Variants in MPRIP observed in about 807,000 individuals in gnomAD.
MPRIP encodes myosin phosphatase Rho-interacting protein.
A neutral mutation model predicts 234.9 loss-of-function variants in MPRIP; 59 were observed. That is an observed-to-expected ratio of 0.25 (90% CI 0.20 to 0.31). The LOEUF is 0.31. MPRIP is among the 10% of genes least tolerant of loss of function. MPRIP has a pLI of 1.00. For synonymous variants in MPRIP, 1,144 were observed against 1,263.9 expected, an observed-to-expected ratio of 0.91 and a Z score of 2.01; for missense variants, 2,436 against 3,071.0, an observed-to-expected ratio of 0.79 and a Z score of 4.89.
rs991567433 is a variant in MPRIP at position 17,187,926 on chromosome 17, C to T, written c.*3032C>T. The T allele has an allele frequency of 6.6e-6, 1 of 152,214 alleles. No homozygotes were observed. The highest frequency in any genetic ancestry group is 2.4e-5 in the African/African-American group (1 of 41,452). 9.4% of individuals were successfully genotyped at this position (152,214 alleles called of 1,614,324 possible). ...AGACTTCAGCATTTTAATTATTTTC[C>T]TATAAATGTATTTATGTGTAGTATG... On this transcript the variant is annotated 3_prime_UTR_variant, in exon 24 of 24. Transcript: ENST00000651222.
chr17:17,131,729 C>T (rs375937514), intron 5 of MPRIP, 28 bp downstream of exon 5: 1 of 1,599,758 alleles, frequency 6.3e-7, no homozygotes, highest in Non-Finnish European at 8.6e-7. Context: ...CAGATGGCAT[C>T]CCCTCAGTGG....
Position 17,166,681 on chromosome 17 carries a change from C to T in MPRIP, c.5090C>T (p.Thr1697Ile). Residue 1697 changes from threonine to isoleucine, a missense_variant, in exon 16 of 24, where the codon ACC becomes ATC. By Grantham distance (89) the Thr-to-Ile change is moderately conservative. Around this residue, in one of 4 missense-constraint regions of MPRIP, gnomAD observed 1,998 missense variants for 2,520.3 expected, o/e 0.79. Transcript: ENST00000651222. This position sits in a 1 kb window ranked among gnomAD's most constrained non-coding sequence, Gnocchi z 4.4. ...AGCATCCAGGAGACCCTGCGGGGCA[C>T]CCAGACGGCCCTGCGGCAGCACAAA... is the stretch of plus-strand genomic sequence containing the variant. ...LQSIQETLRG[T>I]QTALRQHKCL... 1.5e-6 allele frequency: 2 copies of T among 1,303,370 alleles called. No homozygotes were observed. Among genetic ancestry groups the T allele is most frequent in the Non-Finnish European group, 2.0e-6 (2 of 988,618 alleles). 80.7% of individuals were successfully genotyped at this position (1,303,370 alleles called of 1,614,324 possible). A position where few individuals can be genotyped will look rare whatever the true frequency, so the allele number is the denominator to read the frequency against.
chr17:17,143,952 G>A (rs2045399325), intron 9 of MPRIP, among the ~76,000 whole-genome samples: 1 of 152,220 alleles, frequency 6.6e-6, no homozygotes, highest in Admixed American at 6.5e-5. Flanking sequence ...CCGACTCTAG[G>A]CGGCAGGGCT....
At chr17:17,126,951 C>G in intron 4 of MPRIP, 98 bp downstream of exon 4, 1 of 1,425,260 alleles carries the variant, frequency 7.0e-7, no homozygotes, top group Non-Finnish European at 9.7e-7. Context: ...ATGTTGTCTA[C>G]TTCCCCGTGT....
intron 1 of MPRIP, among the ~76,000 whole-genome samples, chr17:17,060,638 G>T (rs1384326332): frequency 6.6e-6 from 1 of 152,202 alleles, no homozygotes; most frequent in Non-Finnish European, 1.5e-5. Flanking sequence ...CTGCCCTCGT[G>T]CTCCCATAGC....
intron 3 of MPRIP, among the ~76,000 whole-genome samples, chr17:17,122,613 A>C (rs565490421): frequency 6.6e-6 from 1 of 152,208 alleles, no homozygotes; most frequent in Non-Finnish European, 1.5e-5. Context: ...TTGGCCTCCC[A>C]AAGTGCTGGG....
intron 1 of MPRIP, among the ~76,000 whole-genome samples, chr17:17,067,289 C>T (rs1438815851): frequency 6.6e-6 from 1 of 152,130 alleles, no homozygotes; most frequent in African/African-American, 2.4e-5. Flanking sequence ...TTCTCTTTGG[C>T]ATATTCAAAT....
At chr17:17,105,969 A>G (rs951252490) in intron 3 of MPRIP, among the ~76,000 whole-genome samples, 9 of 152,254 alleles carry the variant, frequency 5.9e-5, no homozygotes, top group African/African-American at 2.2e-4. Flanking sequence ...AAGACAAAAA[A>G]ACATGTGCAT....
At chr17:17,130,498 G>A (rs1039776136) in intron 4 of MPRIP, among the ~76,000 whole-genome samples, 7 of 149,940 alleles carry the variant, frequency 4.7e-5, no homozygotes, top group East Asian at 2.0e-4. Context: ...CAGAAGACTC[G>A]AGCCCTTCTC....
intron 13 of MPRIP, 43 bp downstream of exon 13, chr17:17,154,458 G>A: frequency 1.9e-6 from 3 of 1,557,014 alleles, no homozygotes; most frequent in Non-Finnish European, 2.7e-6. Context: ...TGCCTCTTGT[G>A]GGTGCCACTC....
Position 17,165,422 on chromosome 17 carries a change from G to C in MPRIP, c.3831G>C (p.Glu1277Asp). The change falls in exon 16 of 24, where the codon GAG becomes GAC. Residue 1277 changes from glutamate to aspartate, a missense_variant. Transcript: ENST00000651222. ...DEDLGAPPGE[E>D]YGDGSPSRED... ...ACCTGGGGGCTCCTCCGGGGGAAGA[G>C]TACGGTGATGGCAGCCCCAGTAGGG... is the stretch of plus-strand genomic sequence containing the variant. The C allele has an allele frequency of 7.7e-7, 1 of 1,304,252 alleles. No individual in the cohort carries two copies. The highest frequency in any genetic ancestry group is 1.5e-5 in the African/African-American group (1 of 65,998). The allele number at this position is 1,304,252 out of a possible 1,614,324, so 80.8% of individuals were successfully genotyped here. A position where few individuals can be genotyped will look rare whatever the true frequency, so the allele number is the denominator to read the frequency against.
intron 5 of MPRIP, 53 bp from the exon 6 acceptor site, chr17:17,136,166 A>G (rs1044148320): frequency 3.7e-5 from 59 of 1,608,118 alleles, no homozygotes; most frequent in African/African-American, 1.3e-4. Flanking sequence ...CTGTGACCCA[A>G]CCTGAGCTGT....
In MPRIP at chr17:17,150,313, G is replaced by A. The variant is rs1001139606; in HGVS notation, c.1719+80G>A. On this transcript the variant is annotated intron_variant, in intron 12 of 23. Coordinates refer to ENST00000651222, the MANE Select transcript of MPRIP (RefSeq NM_001364716.4). ...AGAGTGCCTAATGTCTGGGCTGGGG[G>A]CACTTCTGGACAGGCCTGATGCAGC... The A allele has an allele frequency of 4.3e-5, 47 of 1,081,870 alleles. No individual in the cohort carries two copies. The Middle Eastern group carries it at 6.0e-4, about 14-fold the overall frequency. The allele number at this position is 1,081,870 out of a possible 1,614,324, so 67.0% of individuals were successfully genotyped here.
In MPRIP at chr17:17,192,477, G is replaced by A; in HGVS notation, c.*7583G>A. ...TTGAGGCTTTTTTTTTTTTTACAAA[G>A]TTAGTTTGTGATCAACGATTCACTA... On this transcript the variant is annotated 3_prime_UTR_variant, in exon 24 of 24. Coordinates refer to ENST00000651222, the MANE Select transcript of MPRIP (RefSeq NM_001364716.4). 8.9e-6 allele frequency: 1 copy of A among 112,940 alleles called. No individual in the cohort carries two copies. The highest frequency in any genetic ancestry group is 3.2e-4 in the South Asian group (1 of 3,106). 7.0% of individuals were successfully genotyped at this position (112,940 alleles called of 1,614,324 possible). A position where few individuals can be genotyped will look rare whatever the true frequency, so the allele number is the denominator to read the frequency against.
intron 2 of MPRIP, among the ~76,000 whole-genome samples, chr17:17,076,604 A>G (rs1452195483): frequency 1.3e-5 from 2 of 152,124 alleles, no homozygotes; most frequent in Non-Finnish European, 2.9e-5. Context: ...AGGCCCTTGG[A>G]AATGTTCCTG....
rs1481737763 is a variant in MPRIP at position 17,078,088 on chromosome 17, C to A, written c.267+12C>A. On this transcript the variant is annotated intron_variant, in intron 3 of 23. Coordinates refer to ENST00000651222, the MANE Select transcript of MPRIP (RefSeq NM_001364716.4). The surrounding 1 kb of genome is among the most constrained non-coding windows in gnomAD (Gnocchi z 4.3). ...CCCTGGATGAGATGGTAAGTGTTATCCTTGCCCACTCCCTGTCCCCAGCCT... is the reference window on the plus strand; with the variant it reads ...CCCTGGATGAGATGGTAAGTGTTATACTTGCCCACTCCCTGTCCCCAGCCT... The A allele has an allele frequency of 6.2e-7, 1 of 1,613,696 alleles. No individual in the cohort carries two copies. The highest frequency in any genetic ancestry group is 1.3e-5 in the African/African-American group (1 of 74,908).
chr17:17,127,647 T>C (rs926569136), intron 4 of MPRIP, among the ~76,000 whole-genome samples: 9 of 152,206 alleles, frequency 5.9e-5, no homozygotes, highest in African/African-American at 2.2e-4. Flanking sequence ...AGAATCCCTG[T>C]CTTGCTTAAG....
At chr17:17,161,998 C>T (rs1033234962) in intron 15 of MPRIP, among the ~76,000 whole-genome samples, 5 of 152,230 alleles carry the variant, frequency 3.3e-5, no homozygotes, top group Admixed American at 6.5e-5. Context: ...TTTCCTGCAG[C>T]GTGCCAGGCC....
intron 3 of MPRIP, among the ~76,000 whole-genome samples, chr17:17,111,076 TCA>T (rs2090158175): frequency 1.3e-5 from 2 of 151,448 alleles, no homozygotes; most frequent in South Asian, 4.2e-4. Flanking sequence ...GGAGAACTCT[TCA>T]CACACTCTTG....
Sources: gnomAD v4.1 joint callset for allele counts (sites outside exome capture counted in the v4.1 genomes callset) on GRCh38, gnomAD v4.1.1 for gene constraint, gnomAD v4.1.1 regional missense constraint, Gnocchi (gnomAD v3.1) non-coding constraint, MANE v1.5 for transcripts, NCBI Gene and HGNC (gene_info 2026-07-23, HGNC 2026-07-21) for gene names.